Variants in INTU observed in about 807,000 individuals in gnomAD.
The protein encoded by INTU is inturned planar cell polarity protein, also known as protein inturned.
Under a neutral mutation model 100.5 loss-of-function variants are expected in INTU, and 68 were observed. The observed-to-expected ratio is 0.68, with a 90% CI of 0.56 to 0.83. INTU has a LOEUF of 0.83. INTU is among the 40% of genes least tolerant of loss of function. The probability of loss-of-function intolerance (pLI) is 0.00; values close to 1 mark genes in which losing one functional copy is unlikely to be tolerated. For missense variants in INTU, 1,071 were observed against 1,114.7 expected (o/e 0.96, Z 0.56); for synonymous variants, 357 against 395.7 (o/e 0.90, Z 1.16).
Position 127,714,103 on chromosome 4 carries a change from A to G in INTU, c.2717+10A>G. Reference sequence around the variant, plus strand: ...CTTACTGGGTAGTAGGGTAAGTGAGAAAAAAAAGTATTTGAAAGTAAAGTG... The same window carrying G: ...CTTACTGGGTAGTAGGGTAAGTGAGGAAAAAAAGTATTTGAAAGTAAAGTG... On this transcript the variant is annotated intron_variant, in intron 15 of 15. Coordinates refer to ENST00000335251, the MANE Select transcript of INTU (RefSeq NM_015693.4). The G allele has an allele frequency of 1.9e-6, 3 of 1,588,920 alleles. No homozygotes were observed. Among genetic ancestry groups the G allele is most frequent in the Non-Finnish European group, 2.6e-6 (3 of 1,168,828 alleles).
chr4:127,679,097 A>G (rs1020765123), intron 6 of INTU, among the ~76,000 whole-genome samples: 8 of 151,858 alleles, frequency 5.3e-5, no homozygotes, highest in Non-Finnish European at 8.8e-5. Context: ...ACCCAGATTC[A>G]TAAAGCAAGT....
intron 13 of INTU, among the ~76,000 whole-genome samples, chr4:127,709,459 A>G (rs1000288651): frequency 3.3e-5 from 5 of 152,318 alleles, no homozygotes; most frequent in Non-Finnish European, 7.3e-5. Context: ...GTATAATTTC[A>G]AACGTTCATT....
At chr4:127,665,601 G>A (rs1412641521) in intron 4 of INTU, among the ~76,000 whole-genome samples, 2 of 152,096 alleles carry the variant, frequency 1.3e-5, no homozygotes, top group African/African-American at 4.8e-5. Flanking sequence ...GGCTTAACAT[G>A]ATGAAAGTTT....
rs564022116 is a variant in INTU, at chr4:127,719,555, T to C, written c.*3119T>C. ...TTGTTTGGAATAGTTTCAGAAGAAG[T>C]GGTATCAGCTTCTTTTTGTATTTCT... On this transcript the variant is annotated 3_prime_UTR_variant, in exon 16 of 16. Coordinates refer to ENST00000335251, the MANE Select transcript of INTU (RefSeq NM_015693.4). 6.6e-6 allele frequency: 1 copy of C among 152,288 alleles called. No individual in the cohort carries two copies. The highest frequency in any genetic ancestry group is 6.5e-5 in the Admixed American group (1 of 15,304). 9.4% of individuals were successfully genotyped at this position (152,288 alleles called of 1,614,324 possible). A position where few individuals can be genotyped will look rare whatever the true frequency, so the allele number is the denominator to read the frequency against.
intron 2 of INTU, among the ~76,000 whole-genome samples, chr4:127,649,845 T>C (rs979265088): frequency 6.6e-6 from 1 of 152,170 alleles, no homozygotes; most frequent in Non-Finnish European, 1.5e-5. Context: ...ATATGAATTA[T>C]TTCATCAATT....
chr4:127,664,705 A>G (rs941887573), intron 4 of INTU, among the ~76,000 whole-genome samples: 3 of 151,948 alleles, frequency 2.0e-5, no homozygotes, highest in African/African-American at 4.8e-5. Context: ...GCTTTATTTT[A>G]TAAGTATTTG....
intron 6 of INTU, among the ~76,000 whole-genome samples, chr4:127,682,463 A>C (rs905990027): frequency 2.0e-5 from 3 of 152,066 alleles, no homozygotes; most frequent in Admixed American, 1.3e-4. Flanking sequence ...AGGAACATGG[A>C]TGAAATTGGA....
intron 2 of INTU, 24 bp downstream of exon 2, chr4:127,644,080 A>C: frequency 6.3e-7 from 1 of 1,590,482 alleles, no homozygotes; most frequent in Non-Finnish European, 8.6e-7. Flanking sequence ...GTACACATCC[A>C]TCCCTGTTTA....
chr4:127,711,652 C>T (rs140435770), intron 14 of INTU, among the ~76,000 whole-genome samples: 85 of 152,228 alleles, frequency 5.6e-4, no homozygotes, highest in African/African-American at 1.9e-3. Context: ...GCAGCACATA[C>T]GAGTGCAAAC....
intron 2 of INTU, among the ~76,000 whole-genome samples, chr4:127,653,036 T>G (rs2126188276): frequency 6.6e-6 from 1 of 151,914 alleles, no homozygotes; most frequent in South Asian, 2.1e-4. Flanking sequence ...TCTCTGATGG[T>G]AGTTTGTATT....
At chr4:127,699,183 C>T (rs1208920901) in intron 8 of INTU, 1 of 152,130 alleles carries the variant, frequency 6.6e-6, no homozygotes, top group Non-Finnish European at 1.5e-5. Context: ...AAAAGGGATT[C>T]TTATTCACAA....
chr4:127,706,268 T>C (rs2148731969), intron 11 of INTU, among the ~76,000 whole-genome samples: 1 of 152,252 alleles, frequency 6.6e-6, no homozygotes, highest in African/African-American at 2.4e-5. Context: ...AGTGGTTTGA[T>C]GGTATATCAA....
intron 6 of INTU, among the ~76,000 whole-genome samples, chr4:127,676,475 A>T (rs779256989): frequency 6.6e-6 from 1 of 151,812 alleles, no homozygotes. Context: ...AGTTCCAGCT[A>T]CTTGGGAGGC....
chr4:127,650,380 C>A (rs1375329287), intron 2 of INTU, among the ~76,000 whole-genome samples: 2 of 127,586 alleles, frequency 1.6e-5, no homozygotes, highest in Non-Finnish European at 3.2e-5. Flanking sequence ...CCCCTCCCCC[C>A]ACCCCACCAC....
intron 12 of INTU, 35 bp from the exon 13 acceptor site, chr4:127,708,536 A>C: frequency 9.3e-7 from 1 of 1,072,518 alleles, no homozygotes; most frequent in Non-Finnish European, 1.4e-6. Context: ...TTCCATTCTT[A>C]GATATAAACT....
intron 3 of INTU, among the ~76,000 whole-genome samples, chr4:127,662,364 A>AG (rs1728513223): frequency 1.4e-4 from 21 of 152,234 alleles, no homozygotes; most frequent in Middle Eastern, 6.8e-3. Flanking sequence ...GCCAGTATCC[A>AG]AAGAGTACAT....
intron 1 of INTU, among the ~76,000 whole-genome samples, chr4:127,641,933 A>T (rs553933795): frequency 1.3e-5 from 2 of 152,320 alleles, no homozygotes; most frequent in South Asian, 4.1e-4. Flanking sequence ...TGTTTCTTTT[A>T]TATATCTCTA....
intron 6 of INTU, among the ~76,000 whole-genome samples, chr4:127,674,843 G>A (rs562716262): frequency 2.4e-4 from 37 of 152,206 alleles, no homozygotes; most frequent in South Asian, 8.3e-4. Flanking sequence ...ACTTCCAGAC[G>A]TACTTAGTGA....
chr4:127,646,378 CT>C (rs1193832198), intron 2 of INTU, among the ~76,000 whole-genome samples: 1 of 152,100 alleles, frequency 6.6e-6, no homozygotes, highest in Non-Finnish European at 1.5e-5. Flanking sequence ...ACGTGCCCCC[CT>C]TTCAGTGGTG....
Sources: allele counts gnomAD v4.1 joint callset (sites outside exome capture counted in the v4.1 genomes callset), GRCh38; gene constraint gnomAD v4.1.1; transcripts MANE v1.5; gene names NCBI Gene and HGNC (gene_info 2026-07-23, HGNC 2026-07-21).